Variants in DENND1B observed in about 807,000 individuals in gnomAD.
The protein encoded by DENND1B is DENN domain containing 1B.
In DENND1B, 59 loss-of-function variants were observed where a neutral mutation model predicts 90.1. That is an observed-to-expected ratio of 0.65 (90% CI 0.53 to 0.81). The LOEUF (loss-of-function observed/expected upper bound fraction) is 0.81. Ranked by LOEUF, DENND1B falls within the 40% of genes least tolerant of loss-of-function variation. The pLI is 0.00. For missense variants in DENND1B, 862 were observed against 912.6 expected (o/e 0.94, Z 0.71); for synonymous variants, 337 against 324.6 (o/e 1.04, Z -0.41).
the DENND1B span, among the ~76,000 whole-genome samples, chr1:197,781,267 GGCAA>G: frequency 6.6e-6 from 1 of 152,058 alleles, no homozygotes; most frequent in African/African-American, 2.4e-5. Context: ...AATTTTTTGA[GGCAA>G]GCATCTCATG....
chr1:197,644,351 C>T (rs1301898937), intron 9 of DENND1B, among the ~76,000 whole-genome samples: 3 of 152,072 alleles, frequency 2.0e-5, no homozygotes, highest in Admixed American at 6.5e-5. Flanking sequence ...GGCAGTTTTT[C>T]CTTTGAATGT....
intron 3 of DENND1B, among the ~76,000 whole-genome samples, chr1:197,693,119 T>A (rs1658074024): frequency 6.6e-6 from 1 of 151,680 alleles, no homozygotes; most frequent in Non-Finnish European, 1.5e-5. Flanking sequence ...AATAACTAGT[T>A]AAAACCACAT....
intron 14 of DENND1B, among the ~76,000 whole-genome samples, chr1:197,589,757 C>CA (rs1243563553): frequency 1.3e-5 from 2 of 152,124 alleles, no homozygotes; most frequent in African/African-American, 4.8e-5. Flanking sequence ...GATTACTAAC[C>CA]AATCTTTATT....
At chr1:197,580,087 C>CTTTTTTTTTTT (rs139056668) in intron 15 of DENND1B, among the ~76,000 whole-genome samples, 7 of 76,742 alleles carry the variant, frequency 9.1e-5, no homozygotes, top group African/African-American at 1.6e-4. Flanking sequence ...TTCTTTCTTT[C>CTTTTTTTTTTT]TTTTTTTTTT....
chr1:197,596,564 AAT>A (rs1465943572), intron 13 of DENND1B, among the ~76,000 whole-genome samples: 3 of 151,984 alleles, frequency 2.0e-5, no homozygotes, highest in Non-Finnish European at 1.5e-5. Flanking sequence ...CATATAACAA[AAT>A]AGTCATTTCT....
chr1:197,722,066 G>A lies in DENND1B; in HGVS notation c.83-6992C>T, dbSNP rs549303829. Among the ~76,000 whole-genome samples the A allele has an allele frequency of 2.6e-5, 4 of 152,156 alleles. No homozygotes were observed. In the South Asian group the frequency reaches 8.3e-4, roughly 32 times the overall value. ...TTGTACTTTTCCAACTCAGACATGT[G>A]AGAAAATTTTTCTTGCTGTAATGTC... On this transcript the variant is annotated intron_variant, in intron 2 of 22. Transcript: ENST00000620048.
intron 2 of DENND1B, chr1:197,735,546 A>T: frequency 1.2e-6 from 2 of 1,613,662 alleles, no homozygotes; most frequent in Non-Finnish European, 1.7e-6. Context: ...TTCCATTTAC[A>T]AAGTGTTCTT....
intron 2 of DENND1B, among the ~76,000 whole-genome samples, chr1:197,757,993 C>G (rs1654521946): frequency 6.6e-6 from 1 of 152,140 alleles, no homozygotes; most frequent in Admixed American, 6.5e-5. Flanking sequence ...TCAATATTAG[C>G]TCTTAGAAGT....
chr1:197,745,550 AT>A (rs1338977589), intron 2 of DENND1B, among the ~76,000 whole-genome samples: 1 of 150,842 alleles, frequency 6.6e-6, no homozygotes, highest in Non-Finnish European at 1.5e-5. Flanking sequence ...GGCATGGTTC[AT>A]GGTACCACAA....
At position 197,559,805 on chromosome 1, in the gene DENND1B, A is replaced by C. The variant is rs147904122; in HGVS notation, c.1150-6693T>G. Among the ~76,000 whole-genome samples, 42 of 152,110 alleles carry C rather than the reference A, an allele frequency of 2.8e-4. No homozygotes were observed. In the East Asian group the frequency reaches 8.1e-3, roughly 29 times the overall value. On this transcript the variant is annotated intron_variant, in intron 15 of 22. Coordinates refer to ENST00000620048, the MANE Select transcript of DENND1B (RefSeq NM_001195215.2). ...AGTGAAAACTACACTGAAGTGTTAC[A>C]ATAAATTACATCAACAGATATTTAT...
At chr1:197,756,489 CT>C (rs1482279778) in intron 2 of DENND1B, among the ~76,000 whole-genome samples, 2 of 137,506 alleles carry the variant, frequency 1.5e-5, no homozygotes, top group Non-Finnish European at 3.0e-5. Flanking sequence ...GCAGAAGAAT[CT>C]TTTTGAATCC....
At chr1:197,720,663 A>G (rs1351713675) in intron 2 of DENND1B, among the ~76,000 whole-genome samples, 1 of 152,098 alleles carries the variant, frequency 6.6e-6, no homozygotes, top group Non-Finnish European at 1.5e-5. Context: ...CACTTTTGCC[A>G]TTTTTCCTTG....
At position 197,582,262 on chromosome 1, in the gene DENND1B, T is replaced by C. The variant is rs563768438; in HGVS notation, c.1149+890A>G. Among the ~76,000 whole-genome samples the C allele has an allele frequency of 2.0e-5, 3 of 152,308 alleles. No individual in the cohort carries two copies. In the East Asian group the frequency reaches 5.8e-4, roughly 29 times the overall value. The stretch of plus-strand genomic sequence containing the variant: ...CATTAATTGTTGCCATGCTGACTTC[T>C]TTACTGACCTAATTTGAAGGTTATT... On this transcript the variant is annotated intron_variant, in intron 15 of 22. Transcript: ENST00000620048.
chr1:197,527,001 A>G (rs1270208935), intron 20 of DENND1B, among the ~76,000 whole-genome samples: 1 of 152,198 alleles, frequency 6.6e-6, no homozygotes, highest in Non-Finnish European at 1.5e-5. Flanking sequence ...TTTAAAACAA[A>G]CATTTAATTA....
intron 2 of DENND1B, among the ~76,000 whole-genome samples, chr1:197,758,685 T>TAA (rs1244368526): frequency 6.6e-6 from 1 of 152,200 alleles, no homozygotes; most frequent in African/African-American, 2.4e-5. Flanking sequence ...GTCTATCAGG[T>TAA]AAAATATCTG....
In DENND1B at chr1:197,670,443, C is replaced by CTGTGTGTGTGTGTGTGTGTGTGTGTG. The variant is rs60648023; in HGVS notation, c.296+1568_296+1593dup. 2.5e-3 allele frequency among the ~76,000 whole-genome samples: 250 copies of CTGTGTGTGTGTGTGTGTGTGTGTGTG among 99,530 alleles called. 9 individuals are homozygous for CTGTGTGTGTGTGTGTGTGTGTGTGTG. The highest frequency in any genetic ancestry group is 6.0e-3 in the East Asian group (17 of 2,824). The allele number at this position is 99,530 out of a possible 152,430, so 65.3% of individuals were successfully genotyped here. On this transcript the variant is annotated intron_variant, in intron 5 of 22. Coordinates refer to ENST00000620048, the MANE Select transcript of DENND1B (RefSeq NM_001195215.2). ...AACAACAATAAAGGTGGGGGGAAGACTGTGTGTGTGTGTGTGTGTGTGTGT... is the reference window on the plus strand; with the variant it reads ...AACAACAATAAAGGTGGGGGGAAGACTGTGTGTGTGTGTGTGTGTGTGTGTGTGTGTGTGTGTGTGTGTGTGTGTGT...
At chr1:197,566,370 A>G (rs1672668901) in intron 15 of DENND1B, among the ~76,000 whole-genome samples, 1 of 151,792 alleles carries the variant, frequency 6.6e-6, no homozygotes. Flanking sequence ...GTTTGAGTTC[A>G]TTGTAGATTC....
chr1:197,664,272 T>TA (rs934253588), intron 5 of DENND1B, among the ~76,000 whole-genome samples: 7 of 151,838 alleles, frequency 4.6e-5, no homozygotes, highest in African/African-American at 1.2e-4. Flanking sequence ...CCTAGGAAGT[T>TA]AAAAAAAATT....
intron 4 of DENND1B, among the ~76,000 whole-genome samples, chr1:197,673,568 A>G (rs1366663975): frequency 5.9e-5 from 9 of 152,158 alleles, no homozygotes; most frequent in African/African-American, 2.2e-4. Flanking sequence ...AGAAATTTCA[A>G]CTCTATGCAA....
Sources: gnomAD v4.1 joint callset for allele counts (sites outside exome capture counted in the v4.1 genomes callset) on GRCh38, gnomAD v4.1.1 for gene constraint, MANE v1.5 for transcripts, NCBI Gene and HGNC (gene_info 2026-07-23, HGNC 2026-07-21) for gene names.